Variants in RNF34 observed in about 807,000 individuals in gnomAD.
RNF34 encodes ring finger protein 34, also known as E3 ubiquitin-protein ligase RNF34.
RNF34 carries 12 observed loss-of-function variants against 37.9 expected under a neutral mutation model. The ratio of observed to expected loss-of-function variants is 0.32; its 90% CI spans 0.20 to 0.51. The LOEUF is 0.51. RNF34 is among the 20% of genes least tolerant of loss of function. The pLI is 0.97. For synonymous variants in RNF34, 155 were observed against 177.2 expected, an observed-to-expected ratio of 0.87 and a Z score of 1.00; for missense variants, 362 against 472.7, an observed-to-expected ratio of 0.77 and a Z score of 2.17.
chr12:121,408,698 G>T (rs782611921), intron 1 of RNF34, among the ~76,000 whole-genome samples: 5 of 152,102 alleles, frequency 3.3e-5, no homozygotes, highest in Non-Finnish European at 7.4e-5. Flanking sequence ...TCTTCTGGAT[G>T]GATTCTTCAT....
intron 5 of RNF34, among the ~76,000 whole-genome samples, chr12:121,422,151 C>T (rs541894466): frequency 7.2e-5 from 11 of 152,296 alleles, no homozygotes; most frequent in Middle Eastern, 3.4e-3. Context: ...TACTTTGCGG[C>T]GTAGGATATA....
At chr12:121,407,357 G>A (rs1870643416) in intron 1 of RNF34, among the ~76,000 whole-genome samples, 1 of 152,204 alleles carries the variant, frequency 6.6e-6, no homozygotes, top group South Asian at 2.1e-4. Context: ...GCACCACTTT[G>A]GAATTGAGGC....
rs567695152 is a variant in RNF34 at position 121,417,916 on chromosome 12, G to A, written c.633+5G>A. ...AGATCTGGAGTGCCGGCACAGGTAC[G>A]AGGGGGTAACTAATTACACCCAGGG... On this transcript the variant is annotated splice_donor_5th_base_variant and intron_variant, in intron 3 of 5. Coordinates refer to ENST00000361234, the MANE Select transcript of RNF34 (RefSeq NM_025126.4). This position sits in a 1 kb window ranked among gnomAD's most constrained non-coding sequence, Gnocchi z 5.0. The A allele has an allele frequency of 1.5e-4, 236 of 1,611,846 alleles. No individual in the cohort carries two copies. Among genetic ancestry groups the A allele is most frequent in the Non-Finnish European group, 1.8e-4 (214 of 1,179,086 alleles).
intron 3 of RNF34, among the ~76,000 whole-genome samples, chr12:121,419,226 A>G (rs1246536781): frequency 1.3e-5 from 2 of 152,356 alleles, no homozygotes; most frequent in Non-Finnish European, 1.5e-5. Context: ...AGCTGCCTAC[A>G]GTATTCAGTA....
Position 121,417,868 on chromosome 12 carries a change from T to C in RNF34, c.590T>C (p.Leu197Pro). 6.2e-7 allele frequency: 1 copy of C among 1,614,092 alleles called. No homozygotes were observed. The highest frequency in any genetic ancestry group is 8.5e-7 in the Non-Finnish European group (1 of 1,180,016). Residue 197 changes from leucine (L) to proline (P), a missense_variant, in exon 3 of 6, where the codon CTT (leucine) becomes CCT (proline). Physicochemically the swap from Leu to Pro is moderately conservative, Grantham distance 98 (BLOSUM62 -3). Coordinates refer to ENST00000361234, the MANE Select transcript of RNF34 (RefSeq NM_025126.4). This position sits in a 1 kb window ranked among gnomAD's most constrained non-coding sequence, Gnocchi z 5.0. ...ACTATGTCTTCGTTTCAGGGAGAGC[T>C]TATGGATGGAGACCAAACATCCAGA... ...SATMSSFQGE[L>P]MDGDQTSRSG...
chr12:121,414,012 T>A (rs1871342156), intron 1 of RNF34, among the ~76,000 whole-genome samples: 1 of 152,232 alleles, frequency 6.6e-6, no homozygotes, highest in African/African-American at 2.4e-5. Context: ...CTCCTTTCTT[T>A]ATAATACAAC....
In RNF34 at chr12:121,423,420, C is replaced by T. The variant is rs781970364; in HGVS notation, c.963C>T (p.Asp321=). The change falls in exon 6 of 6, where the codon GAC becomes GAT. Residue 321 remains aspartate, a synonymous_variant. Coordinates refer to ENST00000361234, the MANE Select transcript of RNF34 (RefSeq NM_025126.4). The surrounding 1 kb of genome is among the most constrained non-coding windows in gnomAD (Gnocchi z 4.3). Reference sequence around the variant, plus strand: ...GGCTGCAGCTGCAGGATGAGGAAGACGACAGCCTGTGTCGCATCTGCATGG... The same window carrying T: ...GGCTGCAGCTGCAGGATGAGGAAGATGACAGCCTGTGTCGCATCTGCATGG... The part of the protein sequence containing the change: ...GERLQLQDEE[D]DSLCRICMDA... The T allele has an allele frequency of 1.1e-5, 18 of 1,611,528 alleles. No individual in the cohort carries two copies. The highest frequency in any genetic ancestry group is 6.7e-5 in the East Asian group (3 of 44,784).
intron 1 of RNF34, among the ~76,000 whole-genome samples, chr12:121,414,001 TCTC>T (rs1314318782): frequency 6.6e-6 from 1 of 152,240 alleles, no homozygotes; most frequent in Non-Finnish European, 1.5e-5. Context: ...TTCTTTACCT[TCTC>T]CTTTCTTTAT....
intron 1 of RNF34, 122 bp downstream of exon 1, chr12:121,400,340 G>C (rs1384248463): frequency 1.6e-6 from 2 of 1,212,414 alleles, no homozygotes; most frequent in Non-Finnish European, 2.3e-6. Context: ...GAGCTGCGCT[G>C]AGGGGGGTCG....
chr12:121,420,666 G>T lies in RNF34; in HGVS notation c.816G>T (p.Leu272=). The change falls in exon 5 of 6, where the codon CTG becomes CTT. Residue 272 remains leucine (L), a synonymous_variant. Coordinates refer to ENST00000361234, the MANE Select transcript of RNF34 (RefSeq NM_025126.4). Reference sequence around the variant, plus strand: ...TGGAAGGAATGAGCGTGCGCCAGCTGAAGGAAATTCTGGCTCGGAATTTTG... The same window carrying T: ...TGGAAGGAATGAGCGTGCGCCAGCTTAAGGAAATTCTGGCTCGGAATTTTG... ...DDVEGMSVRQ[L]KEILARNFVN... The T allele has an allele frequency of 1.2e-6, 2 of 1,614,178 alleles. No individual in the cohort carries two copies. The highest frequency in any genetic ancestry group is 1.7e-6 in the Non-Finnish European group (2 of 1,180,002).
rs781796282 is a variant in RNF34, at chr12:121,423,458, A to G, written c.1001A>G (p.Asp334Gly). ...CGCATCTGCATGGATGCCGTCATCG[A>G]CTGTGTCCTACTGGAGTGTGGGCAC... is the stretch of plus-strand genomic sequence containing the variant. The part of the protein sequence containing the change: ...LCRICMDAVI[D>G]CVLLECGHMV... Residue 334 changes from aspartate to glycine, a missense_variant, in exon 6 of 6, where the codon GAC becomes GGC. Transcript: ENST00000361234. The surrounding 1 kb of genome is among the most constrained non-coding windows in gnomAD (Gnocchi z 4.3). 1 of 1,613,732 alleles carries G rather than the reference A, an allele frequency of 6.2e-7. No homozygotes were observed. The highest frequency in any genetic ancestry group is 1.7e-5 in the Admixed American group (1 of 59,966).
intron 1 of RNF34, 41 bp downstream of exon 1, chr12:121,400,259 C>G: frequency 6.2e-7 from 1 of 1,602,402 alleles, no homozygotes; most frequent in Non-Finnish European, 8.5e-7. Flanking sequence ...CCTCGCCAAT[C>G]CTATCCTGCC....
At chr12:121,401,453 T>C (rs1732379993) in intron 1 of RNF34, among the ~76,000 whole-genome samples, 1 of 151,772 alleles carries the variant, frequency 6.6e-6, no homozygotes, top group Admixed American at 6.6e-5. Flanking sequence ...TAGGTAACTT[T>C]GGAACTGTGC....
chr12:121,417,432 A>C lies in RNF34; in HGVS notation c.226-72A>C, dbSNP rs41367546. 2.4e-4 allele frequency: 316 copies of C among 1,339,258 alleles called. 1 individual carries two copies. The East Asian group carries it at 6.3e-3, about 27-fold the overall frequency. 83.0% of individuals were successfully genotyped at this position (1,339,258 alleles called of 1,614,324 possible). A position where few individuals can be genotyped will look rare whatever the true frequency, so the allele number is the denominator to read the frequency against. ...AAGAACTAAAATTAAATTTTAGTAG[A>C]AGGCAGAAAGAAAACTCATGCTTTC... On this transcript the variant is annotated intron_variant, in intron 2 of 5. Coordinates refer to ENST00000361234, the MANE Select transcript of RNF34 (RefSeq NM_025126.4). The surrounding 1 kb of genome is among the most constrained non-coding windows in gnomAD (Gnocchi z 5.0).
chr12:121,421,501 T>C (rs941381249), intron 5 of RNF34, among the ~76,000 whole-genome samples: 34 of 151,124 alleles, frequency 2.2e-4, no homozygotes, highest in African/African-American at 8.0e-4. Context: ...GTCATGCCAC[T>C]GCACTCCAGC....
intron 3 of RNF34, among the ~76,000 whole-genome samples, chr12:121,419,224 A>G (rs571085404): frequency 4.6e-5 from 7 of 152,340 alleles, no homozygotes; most frequent in African/African-American, 1.7e-4. Context: ...ATAGCTGCCT[A>G]CAGTATTCAG....
At chr12:121,403,840 TTTA>T (rs1328311907) in intron 1 of RNF34, among the ~76,000 whole-genome samples, 3 of 152,004 alleles carry the variant, frequency 2.0e-5, no homozygotes, top group African/African-American at 7.3e-5. Context: ...AGTCTATGGG[TTTA>T]TTATTACATT....
intron 1 of RNF34, 56 bp downstream of exon 1, chr12:121,400,274 C>T: frequency 1.9e-6 from 3 of 1,587,592 alleles, no homozygotes; most frequent in South Asian, 1.1e-5. Context: ...CCTGCCAGGG[C>T]ACCTGAAGCG....
intron 5 of RNF34, among the ~76,000 whole-genome samples, chr12:121,422,990 G>A (rs1872297657): frequency 2.0e-5 from 3 of 152,218 alleles, no homozygotes; most frequent in Middle Eastern, 3.4e-3. Context: ...ACAAAGCTGG[G>A]GCAACTGAGT....
Sources: gnomAD v4.1 joint callset for allele counts (sites outside exome capture counted in the v4.1 genomes callset) on GRCh38, gnomAD v4.1.1 for gene constraint, Gnocchi (gnomAD v3.1) non-coding constraint, MANE v1.5 for transcripts, NCBI Gene and HGNC (gene_info 2026-07-23, HGNC 2026-07-21) for gene names.